The following NR3C2 variants were observed in gnomAD, a reference collection of about 807,000 sequenced individuals.
NR3C2 encodes the protein nuclear receptor subfamily 3 group C member 2.
Under a neutral mutation model 86.4 loss-of-function variants are expected in NR3C2, and 15 were observed. That is an observed-to-expected ratio of 0.17 (90% CI 0.12 to 0.27). The LOEUF is 0.27. Ranked by LOEUF, NR3C2 falls within the 10% of genes least tolerant of loss-of-function variation. The pLI is 1.00. For synonymous variants in NR3C2, 458 were observed against 450.5 expected (o/e 1.02, Z -0.21); for missense variants, 960 against 1,195.6 (o/e 0.80, Z 2.91).
chr4:148,355,262 C>T (rs9631755), intron 2 of NR3C2, among the ~76,000 whole-genome samples: 15,792 of 152,034 alleles, frequency 0.1, 961 homozygotes, highest in Middle Eastern at 0.29. Context: ...TTAGAGGCCC[C>T]AAGGAAAACT....
At chr4:148,092,920 T>C (rs1272608265) in intron 8 of NR3C2, among the ~76,000 whole-genome samples, 1 of 152,218 alleles carries the variant, frequency 6.6e-6, no homozygotes, top group African/African-American at 2.4e-5. Flanking sequence ...AATGCAATGA[T>C]GGCCTGGCCT....
chr4:148,434,967 T>C, intron 2 of NR3C2, 137 bp downstream of exon 2: 6 of 803,704 alleles, frequency 7.5e-6, no homozygotes, highest in Non-Finnish European at 1.2e-5. Flanking sequence ...TATATCAACA[T>C]GCAAAGTGGA....
chr4:148,430,051 T>A (rs1749727603), intron 2 of NR3C2, among the ~76,000 whole-genome samples: 1 of 152,146 alleles, frequency 6.6e-6, no homozygotes, highest in South Asian at 2.1e-4. Context: ...TAACATCTGC[T>A]ATTACTGTAA....
At chr4:148,198,815 T>A (rs1736569299) in intron 3 of NR3C2, among the ~76,000 whole-genome samples, 1 of 151,488 alleles carries the variant, frequency 6.6e-6, no homozygotes, top group Non-Finnish European at 1.5e-5. Flanking sequence ...GTGCGGTGGC[T>A]CACGCCTGTA....
At chr4:148,193,367 C>T (rs1199308335) in intron 4 of NR3C2, among the ~76,000 whole-genome samples, 1 of 152,210 alleles carries the variant, frequency 6.6e-6, no homozygotes, top group Admixed American at 6.5e-5. Context: ...CCGCTTCCTT[C>T]AGAGGGTCTG....
At chr4:148,432,251 T>A (rs979029893) in intron 2 of NR3C2, among the ~76,000 whole-genome samples, 1 of 152,148 alleles carries the variant, frequency 6.6e-6, no homozygotes, top group Non-Finnish European at 1.5e-5. Context: ...TTCAAGTACA[T>A]AGAGAAAATC....
intron 3 of NR3C2, among the ~76,000 whole-genome samples, chr4:148,198,200 G>T (rs1484969374): frequency 1.3e-5 from 2 of 151,888 alleles, no homozygotes; most frequent in South Asian, 4.2e-4. Flanking sequence ...TAAATCAAAG[G>T]TATCATTTTT....
intron 6 of NR3C2, among the ~76,000 whole-genome samples, chr4:148,144,203 CTTTT>C (rs201466117): frequency 2.6e-5 from 4 of 151,854 alleles, no homozygotes. Flanking sequence ...CTGGAAATGA[CTTTT>C]TTTTTCTTTC....
chr4:148,233,326 G>A (rs1560991461), intron 3 of NR3C2, among the ~76,000 whole-genome samples: 1 of 150,046 alleles, frequency 6.7e-6, no homozygotes, highest in Non-Finnish European at 1.5e-5. Flanking sequence ...TGAACACTTA[G>A]AGGCCATTGT....
At chr4:148,338,345 A>G (rs1283332369) in intron 2 of NR3C2, among the ~76,000 whole-genome samples, 3 of 152,176 alleles carry the variant, frequency 2.0e-5, no homozygotes, top group Non-Finnish European at 2.9e-5. Flanking sequence ...CAGATAATCA[A>G]TGGTAAAATA....
chr4:148,426,218 T>G (rs1017292098), intron 2 of NR3C2, among the ~76,000 whole-genome samples: 1 of 152,188 alleles, frequency 6.6e-6, no homozygotes, highest in African/African-American at 2.4e-5. Context: ...CAGGTTCTCC[T>G]CTTCAATGTT....
Position 148,175,849 on chromosome 4 carries a change from A to T in NR3C2, c.2014+18897T>A, listed in dbSNP as rs892958941. ...AAGAAATCTGAAAGAATTTAAAAAA[A>T]TTTTTTTAGCCAGGCATGTGCCTGT... is the stretch of plus-strand genomic sequence containing the variant. On this transcript the variant is annotated intron_variant, in intron 4 of 8. Coordinates refer to ENST00000358102, the MANE Select transcript of NR3C2 (RefSeq NM_000901.5). Among the ~76,000 whole-genome samples the T allele has an allele frequency of 6.6e-5, 10 of 152,240 alleles. 1 individual carries two copies. Among genetic ancestry groups the T allele is most frequent in the African/African-American group, 2.2e-4 (9 of 41,538 alleles).
chr4:148,101,055 TGC>T (rs1560921632), intron 8 of NR3C2, among the ~76,000 whole-genome samples: 3 of 152,192 alleles, frequency 2.0e-5, no homozygotes, highest in African/African-American at 7.2e-5. Context: ...GTTTTAGTTT[TGC>T]AGGACAAAGA....
At chr4:148,387,456 T>G (rs912408377) in intron 2 of NR3C2, among the ~76,000 whole-genome samples, 3 of 152,176 alleles carry the variant, frequency 2.0e-5, no homozygotes, top group African/African-American at 7.2e-5. Flanking sequence ...CTGGAATTAT[T>G]TTTTATGGAT....
rs529710200 is a variant in NR3C2, at chr4:148,296,044, C to CAAA, written c.1758-35930_1758-35928dup. ...AGAGGTCCTTAATATGAGCTGAGGCCAAAAAAAAAAAAAAAAAAAAAAGAG... is the reference window on the plus strand; with the variant it reads ...AGAGGTCCTTAATATGAGCTGAGGCCAAAAAAAAAAAAAAAAAAAAAAAAAGAG... On this transcript the variant is annotated intron_variant, in intron 2 of 8. Transcript: ENST00000358102. 3.7e-3 allele frequency among the ~76,000 whole-genome samples: 268 copies of CAAA among 73,316 alleles called. 9 individuals carry two copies. The highest frequency in any genetic ancestry group is 4.2e-3 in the East Asian group (10 of 2,394). 48.1% of individuals were successfully genotyped at this position (73,316 alleles called of 152,430 possible).
At chr4:148,247,622 T>G (rs1447843644) in intron 3 of NR3C2, among the ~76,000 whole-genome samples, 1 of 151,270 alleles carries the variant, frequency 6.6e-6, no homozygotes, top group Non-Finnish European at 1.5e-5. Context: ...TGGAATCTAG[T>G]ATCCGTGGGC....
intron 4 of NR3C2, among the ~76,000 whole-genome samples, chr4:148,171,803 C>T (rs779337295): frequency 6.6e-6 from 1 of 152,150 alleles, no homozygotes; most frequent in South Asian, 2.1e-4. Flanking sequence ...TTTGTGTTCA[C>T]GGTCTTAAAC....
chr4:148,406,877 C>CT (rs1217514704), intron 2 of NR3C2, among the ~76,000 whole-genome samples: 1 of 152,142 alleles, frequency 6.6e-6, no homozygotes, highest in African/African-American at 2.4e-5. Flanking sequence ...GTGTTAAAGT[C>CT]TGACAGTCAA....
At chr4:148,209,202 C>T (rs557661944) in intron 3 of NR3C2, among the ~76,000 whole-genome samples, 15 of 149,610 alleles carry the variant, frequency 1.0e-4, no homozygotes, top group African/African-American at 3.0e-4. Flanking sequence ...CGAAATAGTG[C>T]GACTGCACTC....
Sources: gnomAD v4.1 joint callset for allele counts (sites outside exome capture counted in the v4.1 genomes callset) on GRCh38, gnomAD v4.1.1 for gene constraint, MANE v1.5 for transcripts, NCBI Gene and HGNC (gene_info 2026-07-23, HGNC 2026-07-21) for gene names.